The following OTOA variants were observed in gnomAD, a reference collection of about 807,000 sequenced individuals.
The protein encoded by OTOA is cancer/testis antigen 108.
A neutral mutation model predicts 110.8 loss-of-function variants in OTOA; 70 were observed. The ratio of observed to expected loss-of-function variants is 0.63; its 90% CI spans 0.52 to 0.77. The LOEUF (loss-of-function observed/expected upper bound fraction) is 0.77. OTOA is among the 30% of genes least tolerant of loss of function. OTOA has a pLI of 0.00. For missense variants in OTOA, 917 were observed against 1,075.8 expected (o/e 0.85, Z 2.06); for synonymous variants, 373 against 431.5 (o/e 0.86, Z 1.68).
In OTOA at chr16:21,701,042, T is replaced by G. The variant is rs1898043436; in HGVS notation, c.980+15T>G. ...ACCATCCACAGGCAAGCGCATGAGC[T>G]CTGGGCCTTGGAGCCCTTTCCCAAG... On this transcript the variant is annotated intron_variant, in intron 11 of 28. Coordinates refer to ENST00000646100, the MANE Select transcript of OTOA (RefSeq NM_144672.4). The G allele has an allele frequency of 6.2e-7, 1 of 1,614,154 alleles. No homozygotes were observed. Among genetic ancestry groups the G allele is most frequent in the South Asian group, 1.1e-5 (1 of 91,088 alleles).
chr16:21,677,257 A>G (rs1207705970), intron 1 of OTOA, among the ~76,000 whole-genome samples: 1 of 152,142 alleles, frequency 6.6e-6, no homozygotes, highest in East Asian at 1.9e-4. Flanking sequence ...ACTCTGTAAG[A>G]CACTGTCAAA....
intron 18 of OTOA, 139 bp from the exon 19 acceptor site, chr16:21,726,384 G>T: frequency 8.2e-7 from 1 of 1,223,304 alleles, no homozygotes. Context: ...ACCTGCTGCA[G>T]GGAGCCAAAG....
At chr16:21,714,462 T>C (rs1373568566) in intron 13 of OTOA, among the ~76,000 whole-genome samples, 7 of 141,960 alleles carry the variant, frequency 4.9e-5, no homozygotes, top group African/African-American at 1.9e-4. Context: ...CTCTCTCTCT[T>C]CTTTCTTTCT....
At chr16:21,728,509 T>G in intron 20 of OTOA, 78 bp downstream of exon 20, 1 of 1,494,792 alleles carries the variant, frequency 6.7e-7, no homozygotes, top group Non-Finnish European at 9.1e-7. Context: ...TCTCCTGCCC[T>G]GCAAACAGAG....
intron 12 of OTOA, among the ~76,000 whole-genome samples, chr16:21,705,996 A>G (rs551268559): frequency 6.6e-6 from 1 of 151,992 alleles, no homozygotes; most frequent in East Asian, 1.9e-4. Flanking sequence ...AGGCTGAGGT[A>G]GGAGGATCGC....
chr16:21,728,383 A>G lies in OTOA; in HGVS notation c.2159A>G (p.Asn720Ser). 2.5e-6 allele frequency: 4 copies of G among 1,614,102 alleles called. No individual in the cohort carries two copies. The highest frequency in any genetic ancestry group is 3.4e-6 in the Non-Finnish European group (4 of 1,180,002). ...GGCCTCAGAGACTGCCCAGACCTCA[A>G]CCCTGAGCAAAAGGCTGCAGTGAGG... ...LHGLRDCPDL[N>S]PEQKAAVRLK... The change falls in exon 20 of 29, where the codon AAC becomes AGC. Residue 720 changes from asparagine (N) to serine (S), a missense_variant. Coordinates refer to ENST00000646100, the MANE Select transcript of OTOA (RefSeq NM_144672.4).
intron 7 of OTOA, among the ~76,000 whole-genome samples, chr16:21,685,895 AT>A (rs767033893): frequency 2.0e-5 from 3 of 152,132 alleles, no homozygotes; most frequent in East Asian, 3.8e-4. Flanking sequence ...ACGGGTCCTA[AT>A]TAAGGATCTG....
chr16:21,700,155 C>T (rs920702674), intron 10 of OTOA, among the ~76,000 whole-genome samples: 9 of 151,962 alleles, frequency 5.9e-5, no homozygotes, highest in Non-Finnish European at 1.3e-4. Context: ...AATATATATG[C>T]ACCAAACTTT....
chr16:21,721,383 G>A (rs1898736407), intron 17 of OTOA: 1 of 455,080 alleles, frequency 2.2e-6, no homozygotes, highest in Admixed American at 2.4e-5. Flanking sequence ...GGCCATGTCT[G>A]CAAACATTTT....
intron 5 of OTOA, 101 bp from the exon 6 acceptor site, chr16:21,681,637 C>T (rs1230334000): frequency 1.7e-5 from 16 of 919,634 alleles, no homozygotes; most frequent in Non-Finnish European, 2.9e-5. Flanking sequence ...TCCTAACACC[C>T]CTGGTCCATC....
chr16:21,734,735 GCTGA>G (rs1051792789), intron 21 of OTOA, among the ~76,000 whole-genome samples: 7 of 152,110 alleles, frequency 4.6e-5, no homozygotes, highest in African/African-American at 1.4e-4. Context: ...TACTCGGGAG[GCTGA>G]GGTAGGAGAA....
intron 12 of OTOA, among the ~76,000 whole-genome samples, chr16:21,708,434 C>A (rs931249033): frequency 6.6e-6 from 1 of 152,172 alleles, no homozygotes; most frequent in Non-Finnish European, 1.5e-5. Context: ...CGGTGGTCCC[C>A]ATCTGTGACC....
chr16:21,699,215 G>A (rs979733597), intron 10 of OTOA, among the ~76,000 whole-genome samples: 11 of 151,858 alleles, frequency 7.2e-5, no homozygotes, highest in Non-Finnish European at 1.6e-4. Context: ...GCCTCCCAAA[G>A]TGCTGGTATT....
intron 1 of OTOA, among the ~76,000 whole-genome samples, chr16:21,673,546 A>G (rs1365754408): frequency 6.6e-6 from 1 of 152,168 alleles, no homozygotes; most frequent in South Asian, 2.1e-4. Context: ...TATAATTGGA[A>G]TCATTAGTAT....
chr16:21,710,893 C>G (rs1898334055), intron 13 of OTOA, among the ~76,000 whole-genome samples: 1 of 152,106 alleles, frequency 6.6e-6, no homozygotes, highest in Non-Finnish European at 1.5e-5. Context: ...CTTCCAGCTA[C>G]TTGGGAGGCT....
At position 21,722,076 on chromosome 16, in the gene OTOA, CA is replaced by C. The variant is rs34643595; in HGVS notation, c.1807-822del. On this transcript the variant is annotated intron_variant, in intron 17 of 28. Transcript: ENST00000646100. ...TTTAAAAAATACAAAAAAAAAACCC[CA>C]AAAAAACCCACTAAAAATACAAAAA... is the stretch of plus-strand genomic sequence containing the variant. Among the ~76,000 whole-genome samples the C allele has an allele frequency of 2.2e-3, 265 of 118,714 alleles. 2 individuals are homozygous for C. In the East Asian group the frequency reaches 0.04, roughly 18 times the overall value. 77.9% of individuals were successfully genotyped at this position (118,714 alleles called of 152,430 possible).
rs1567381052 is a variant in OTOA at position 21,710,000 on chromosome 16, C to A, written c.1217C>A (p.Ser406Tyr). 1 of 1,614,072 alleles carries A rather than the reference C, an allele frequency of 6.2e-7. No individual in the cohort carries two copies. The highest frequency in any genetic ancestry group is 8.5e-7 in the Non-Finnish European group (1 of 1,179,962). Residue 406 changes from serine to tyrosine, a missense_variant, in exon 13 of 29, where the codon TCC becomes TAC. Physicochemically the swap from Ser to Tyr is moderately radical, Grantham distance 144. Coordinates refer to ENST00000646100, the MANE Select transcript of OTOA (RefSeq NM_144672.4). ...ACCTACAGCCAACTGGAATCCCTCT[C>A]CCCCGAGGCTGTGCACGGAGCCATC... is the stretch of plus-strand genomic sequence containing the variant. ...GLTYSQLESLSPEAVHGAIST... is the reference protein window; with the variant it reads ...GLTYSQLESLYPEAVHGAIST...
In OTOA at chr16:21,678,937, C is replaced by T. The variant is rs770229981; in HGVS notation, c.114C>T (p.Asn38=). ...CAGATTTGCATCCATTGTTGCAAAACATGGCGGTGAGTATTCTATTTTCTG... is the reference window on the plus strand; with the variant it reads ...CAGATTTGCATCCATTGTTGCAAAATATGGCGGTGAGTATTCTATTTTCTG... ...SRQDLHPLLQ[N]MAEEIIDGSY... is the part of the protein sequence containing the mutation. The change falls in exon 3 of 29, where the codon AAC becomes AAT. Residue 38 remains asparagine, a synonymous_variant. Transcript: ENST00000646100. The T allele has an allele frequency of 8.1e-6, 13 of 1,613,736 alleles. No homozygotes were observed. The highest frequency in any genetic ancestry group is 1.1e-5 in the Non-Finnish European group (13 of 1,179,946).
At chr16:21,676,831 T>G (rs896307763) in intron 1 of OTOA, among the ~76,000 whole-genome samples, 1 of 152,198 alleles carries the variant, frequency 6.6e-6, no homozygotes, top group African/African-American at 2.4e-5. Context: ...CTTGTGCTGT[T>G]GGATGGAGAC....
Sources: gnomAD v4.1 joint callset for allele counts (sites outside exome capture counted in the v4.1 genomes callset) on GRCh38, gnomAD v4.1.1 for gene constraint, MANE v1.5 for transcripts, NCBI Gene and HGNC (gene_info 2026-07-23, HGNC 2026-07-21) for gene names.